The following MCTP1 variants were observed in gnomAD, a reference collection of about 807,000 sequenced individuals.
MCTP1 encodes multiple C2 and transmembrane domain-containing protein 1.
MCTP1 carries 69 observed loss-of-function variants against 120.6 expected under a neutral mutation model. That is an observed-to-expected ratio of 0.57 (90% CI 0.47 to 0.70). The LOEUF (loss-of-function observed/expected upper bound fraction) is 0.70. Among genes scored for constraint, MCTP1 ranks in the 30% least tolerant of loss-of-function variants. The probability of loss-of-function intolerance (pLI) is 0.00; values close to 1 mark genes in which losing one functional copy is unlikely to be tolerated. For synonymous variants in MCTP1, 529 were observed against 493.1 expected (o/e 1.07, Z -0.96); for missense variants, 1,203 against 1,248.8 (o/e 0.96, Z 0.55).
At chr5:94,977,918 A>G (rs1828482865) in intron 2 of MCTP1, among the ~76,000 whole-genome samples, 1 of 152,126 alleles carries the variant, frequency 6.6e-6, no homozygotes, top group Non-Finnish European at 1.5e-5. Flanking sequence ...AAAGCACAGG[A>G]AACAAAAGTA....
chr5:94,765,820 A>G (rs1457345953), intron 19 of MCTP1, among the ~76,000 whole-genome samples: 1 of 151,632 alleles, frequency 6.6e-6, no homozygotes, highest in African/African-American at 2.4e-5. Context: ...TAGCAAGACT[A>G]GCCAAGAGGG....
chr5:95,172,473 C>G (rs1186927005), intron 1 of MCTP1, among the ~76,000 whole-genome samples: 1 of 152,286 alleles, frequency 6.6e-6, no homozygotes, highest in South Asian at 2.1e-4. Flanking sequence ...TTCTAAGACT[C>G]CTTTCTGTAA....
intron 17 of MCTP1, 177 bp downstream of exon 17, chr5:94,868,156 C>T: frequency 8.8e-6 from 4 of 455,372 alleles, no homozygotes; most frequent in Non-Finnish European, 1.1e-5. Flanking sequence ...TATTCTTAGA[C>T]TCAGACCTTG....
At chr5:95,161,317 T>C (rs1237444528) in intron 1 of MCTP1, among the ~76,000 whole-genome samples, 1 of 152,084 alleles carries the variant, frequency 6.6e-6, no homozygotes, top group Non-Finnish European at 1.5e-5. Flanking sequence ...TCGAGGACAT[T>C]ATGTTAAGTG....
chr5:94,759,566 C>G (rs6894648), intron 19 of MCTP1, among the ~76,000 whole-genome samples: 1 of 152,162 alleles, frequency 6.6e-6, no homozygotes, highest in Non-Finnish European at 1.5e-5. Context: ...CATCTTACGT[C>G]TAAAACACTT....
chr5:94,779,313 A>T, intron 18 of MCTP1, 150 bp from the exon 19 acceptor site: 3 of 679,454 alleles, frequency 4.4e-6, no homozygotes, highest in Non-Finnish European at 7.9e-6. Flanking sequence ...TGATTAGGAA[A>T]ATGCTCTGCC....
intron 17 of MCTP1, among the ~76,000 whole-genome samples, chr5:94,839,885 TAA>T (rs1160658459): frequency 6.6e-6 from 1 of 152,226 alleles, no homozygotes; most frequent in Non-Finnish European, 1.5e-5. Context: ...GCCTAGCATA[TAA>T]TATATGCTCA....
intron 1 of MCTP1, among the ~76,000 whole-genome samples, chr5:95,078,884 A>G (rs1272461223): frequency 6.6e-6 from 1 of 152,206 alleles, no homozygotes; most frequent in East Asian, 1.9e-4. Context: ...AGAAAAACAG[A>G]TAGTTCATAA....
At chr5:94,805,159 T>C (rs1782028733) in intron 17 of MCTP1, among the ~76,000 whole-genome samples, 1 of 152,220 alleles carries the variant, frequency 6.6e-6, no homozygotes, top group African/African-American at 2.4e-5. Flanking sequence ...CTTTGTTCAT[T>C]TTTAAATTCA....
chr5:95,087,668 G>T (rs1325227413), intron 1 of MCTP1, among the ~76,000 whole-genome samples: 1 of 152,218 alleles, frequency 6.6e-6, no homozygotes, highest in African/African-American at 2.4e-5. Flanking sequence ...CCAGGAAGTA[G>T]GCAAAAAGCA....
chr5:95,172,183 G>A (rs251074), intron 1 of MCTP1, among the ~76,000 whole-genome samples: 16,921 of 152,186 alleles, frequency 0.11, 1,207 homozygotes, highest in Non-Finnish European at 0.16. Context: ...ACTCCAGACC[G>A]TTTGCCTACG....
chr5:94,970,884 T>G (rs2153575898), intron 2 of MCTP1, among the ~76,000 whole-genome samples: 1 of 152,086 alleles, frequency 6.6e-6, no homozygotes, highest in South Asian at 2.1e-4. Context: ...AATACTTTTC[T>G]GAAATTGTTT....
intron 4 of MCTP1, among the ~76,000 whole-genome samples, chr5:94,941,877 T>C (rs967646861): frequency 1.3e-5 from 2 of 152,048 alleles, no homozygotes; most frequent in Non-Finnish European, 2.9e-5. Flanking sequence ...GAGCATTCCT[T>C]GGTAATCCGG....
At chr5:94,799,385 C>T (rs181701363) in intron 17 of MCTP1, among the ~76,000 whole-genome samples, 4 of 152,110 alleles carry the variant, frequency 2.6e-5, no homozygotes, top group East Asian at 3.9e-4. Flanking sequence ...TTGTCAAAGA[C>T]GAAATTTGAG....
chr5:94,814,400 T>A (rs548676023), intron 17 of MCTP1, among the ~76,000 whole-genome samples: 4 of 152,276 alleles, frequency 2.6e-5, no homozygotes, highest in African/African-American at 9.6e-5. Flanking sequence ...ACTATCCACA[T>A]GATGATTCTT....
chr5:95,073,781 C>G (rs1752842501), intron 1 of MCTP1, among the ~76,000 whole-genome samples: 1 of 152,144 alleles, frequency 6.6e-6, no homozygotes, highest in African/African-American at 2.4e-5. Flanking sequence ...CTTGGTGCCC[C>G]AGGTTTTCTT....
chr5:95,076,309 G>T (rs1483377196), intron 1 of MCTP1, among the ~76,000 whole-genome samples: 1 of 152,116 alleles, frequency 6.6e-6, no homozygotes, highest in African/African-American at 2.4e-5. Context: ...CATTTGCCAT[G>T]AACATTCATT....
chr5:95,151,620 A>G (rs1291522165), intron 1 of MCTP1, among the ~76,000 whole-genome samples: 2 of 152,198 alleles, frequency 1.3e-5, no homozygotes, highest in African/African-American at 2.4e-5. Flanking sequence ...ACATTCCACT[A>G]TAGTCCCCTA....
rs140944775 is a variant in MCTP1 at position 94,894,721 on chromosome 5, T to C, written c.1767A>G (p.Thr589=). 2.0e-3 allele frequency: 3,185 copies of C among 1,613,934 alleles called. 37 individuals carry two copies. In the Admixed American group the frequency reaches 0.02, roughly 10 times the overall value. Reference sequence around the variant, plus strand: ...TGACAGACAGGTCAGAGATGCTGACTGTGGCTGATGCTGTCAGAGTGACCA... The same window carrying C: ...TGACAGACAGGTCAGAGATGCTGACCGTGGCTGATGCTGTCAGAGTGACCA... The part of the protein sequence containing the change: ...VLLVTLTASA[T]VSISDLSVNS... Residue 589 remains threonine (T), a synonymous_variant, in exon 11 of 23, where the codon ACA becomes ACG. Coordinates refer to ENST00000515393, the MANE Select transcript of MCTP1 (RefSeq NM_024717.7).
Sources: gnomAD v4.1 joint callset for allele counts (sites outside exome capture counted in the v4.1 genomes callset) on GRCh38, gnomAD v4.1.1 for gene constraint, MANE v1.5 for transcripts, NCBI Gene and HGNC (gene_info 2026-07-23, HGNC 2026-07-21) for gene names.